Variants in ATP8B2 observed in about 807,000 individuals in gnomAD.
ATP8B2 encodes the protein phospholipid-transporting ATPase ID.
Under a neutral mutation model 133.4 loss-of-function variants are expected in ATP8B2, and 70 were observed. That is an observed-to-expected ratio of 0.52 (90% CI 0.43 to 0.64). ATP8B2 has a LOEUF of 0.64. Ranked by LOEUF, ATP8B2 falls within the 30% of genes least tolerant of loss-of-function variation. The pLI, the probability that ATP8B2 is intolerant of heterozygous loss-of-function variation, is 0.00. For synonymous variants in ATP8B2, 517 were observed against 589.5 expected, an observed-to-expected ratio of 0.88 and a Z score of 1.78; for missense variants, 1,101 against 1,535.7, an observed-to-expected ratio of 0.72 and a Z score of 4.73.
chr1:154,334,613 TCCCTGC>T lies in ATP8B2; in HGVS notation c.837+31_837+36del. ...CTGGGTGAGGCGCCCCACATCTGGCTCCCTGCCCCTGCCCTCTCTTCTCCTTGGGTG... is the reference window on the plus strand; with the variant it reads ...CTGGGTGAGGCGCCCCACATCTGGCTCCCTGCCCTCTCTTCTCCTTGGGTG... On this transcript the variant is annotated intron_variant, in intron 11 of 27. Transcript: ENST00000368489. This position sits in a 1 kb window ranked among gnomAD's most constrained non-coding sequence, Gnocchi z 4.6. 1.3e-6 allele frequency: 2 copies of T among 1,597,962 alleles called. No individual in the cohort carries two copies. Among genetic ancestry groups the T allele is most frequent in the Non-Finnish European group, 1.7e-6 (2 of 1,165,680 alleles).
At chr1:154,327,090 G>C (rs564296544) in intron 1 of ATP8B2, among the ~76,000 whole-genome samples, 3 of 152,238 alleles carry the variant, frequency 2.0e-5, no homozygotes, top group Non-Finnish European at 4.4e-5. Flanking sequence ...TGACTGGGTT[G>C]TGGCCAGAAT....
chr1:154,350,106 T>G lies in ATP8B2; in HGVS notation c.*988T>G, dbSNP rs1686734329. ...TTTTTTTTTTGAGATGGAGTCTCAC[T>G]CTTGTCACCTAGGCAAGAGTGCAAT... On this transcript the variant is annotated 3_prime_UTR_variant, in exon 28 of 28. Transcript: ENST00000368489. 6.6e-6 allele frequency: 1 copy of G among 151,684 alleles called. No homozygotes were observed. Among genetic ancestry groups the G allele is most frequent in the Non-Finnish European group, 1.5e-5 (1 of 67,988 alleles). The allele number at this position is 151,684 out of a possible 1,614,324, so 9.4% of individuals were successfully genotyped here. A position where few individuals can be genotyped will look rare whatever the true frequency, so the allele number is the denominator to read the frequency against.
At chr1:154,329,243 T>G (rs1447679277) in intron 2 of ATP8B2, among the ~76,000 whole-genome samples, 1 of 152,120 alleles carries the variant, frequency 6.6e-6, no homozygotes, top group Non-Finnish European at 1.5e-5. Flanking sequence ...TGCATGGTCT[T>G]TGGTGATTGC....
At position 154,331,298 on chromosome 1, in the gene ATP8B2, G is replaced by T; in HGVS notation, c.304-146G>T. The stretch of plus-strand genomic sequence containing the variant: ...GCTAGATCCATGATGTCTTTTTGCT[G>T]AGCGTGGGGAGAGGGAATCAGGGAG... On this transcript the variant is annotated intron_variant, in intron 5 of 27. Transcript: ENST00000368489. The surrounding 1 kb of genome is among the most constrained non-coding windows in gnomAD (Gnocchi z 4.8). The T allele has an allele frequency of 8.9e-7, 1 of 1,127,420 alleles. No homozygotes were observed. The highest frequency in any genetic ancestry group is 1.3e-6 in the Non-Finnish European group (1 of 769,834). 69.8% of individuals were successfully genotyped at this position (1,127,420 alleles called of 1,614,324 possible). A position where few individuals can be genotyped will look rare whatever the true frequency, so the allele number is the denominator to read the frequency against.
At chr1:154,335,136 G>A (rs1686133751) in intron 11 of ATP8B2, among the ~76,000 whole-genome samples, 1 of 152,186 alleles carries the variant, frequency 6.6e-6, no homozygotes, top group Non-Finnish European at 1.5e-5. Flanking sequence ...ATGCCAGCTT[G>A]TGAAGGCTGG....
intron 8 of ATP8B2, 82 bp from the exon 9 acceptor site, chr1:154,332,536 C>A: frequency 8.8e-7 from 1 of 1,133,530 alleles, no homozygotes; most frequent in Non-Finnish European, 1.3e-6. Context: ...CCAGCCTGAG[C>A]AGCAGAGCGA....
chr1:154,342,652 C>T, intron 14 of ATP8B2, 129 bp downstream of exon 14: 1 of 1,434,726 alleles, frequency 7.0e-7, no homozygotes, highest in Non-Finnish European at 9.8e-7. Context: ...TGTTTTAAGG[C>T]AGAACTGGTG....
chr1:154,344,592 C>G lies in ATP8B2; in HGVS notation c.2142-49C>G. 6.2e-7 allele frequency: 1 copy of G among 1,608,124 alleles called. No individual in the cohort carries two copies. Among genetic ancestry groups the G allele is most frequent in the Non-Finnish European group, 8.5e-7 (1 of 1,175,074 alleles). On this transcript the variant is annotated intron_variant, in intron 20 of 27. Coordinates refer to ENST00000368489, the MANE Select transcript of ATP8B2 (RefSeq NM_001370597.1). The surrounding 1 kb of genome is among the most constrained non-coding windows in gnomAD (Gnocchi z 4.1). Reference sequence around the variant, plus strand: ...ACCATTTAGACTTGAATCCCTGCTCCCCACTGCCGTTCTGGAAGACCACAA... The same window carrying G: ...ACCATTTAGACTTGAATCCCTGCTCGCCACTGCCGTTCTGGAAGACCACAA...
chr1:154,334,449 G>T lies in ATP8B2; in HGVS notation c.749-54G>T, dbSNP rs1233895248. 13 of 1,584,924 alleles carry T rather than the reference G, an allele frequency of 8.2e-6. No homozygotes were observed. The Admixed American group carries it at 1.8e-4, about 22-fold the overall frequency. ...CTGCAGTCTGGGGATCAGGGCAGAA[G>T]CCCAGAGGCAGATGTGTTATTTGGC... On this transcript the variant is annotated intron_variant, in intron 10 of 27. Coordinates refer to ENST00000368489, the MANE Select transcript of ATP8B2 (RefSeq NM_001370597.1). This position sits in a 1 kb window ranked among gnomAD's most constrained non-coding sequence, Gnocchi z 4.6.
At chr1:154,330,304 A>G in intron 2 of ATP8B2, 92 bp from the exon 3 acceptor site, 2 of 1,137,912 alleles carry the variant, frequency 1.8e-6, no homozygotes, top group Admixed American at 2.0e-5. Flanking sequence ...CCTTAAAATG[A>G]TATTCTGTGG....
intron 11 of ATP8B2, among the ~76,000 whole-genome samples, chr1:154,335,162 A>C (rs1260967416): frequency 6.6e-6 from 1 of 152,056 alleles, no homozygotes; most frequent in Non-Finnish European, 1.5e-5. Context: ...GCCTCTGGTG[A>C]GCTTGTTTCC....
In ATP8B2 at chr1:154,328,881, C is replaced by A; in HGVS notation, c.31+709C>A. 1 of 1,256,700 alleles carries A rather than the reference C, an allele frequency of 8.0e-7. No homozygotes were observed. Among genetic ancestry groups the A allele is most frequent in the Non-Finnish European group, 1.0e-6 (1 of 968,610 alleles). The allele number at this position is 1,256,700 out of a possible 1,614,324, so 77.8% of individuals were successfully genotyped here. A position where few individuals can be genotyped will look rare whatever the true frequency, so the allele number is the denominator to read the frequency against. On this transcript the variant is annotated intron_variant, in intron 2 of 27. Coordinates refer to ENST00000368489, the MANE Select transcript of ATP8B2 (RefSeq NM_001370597.1). This position sits in a 1 kb window ranked among gnomAD's most constrained non-coding sequence, Gnocchi z 4.6. ...GCGCGCGCCCGACGGCTGGGGCTCC[C>A]CTCTGAGCGGCTGCGGCTCCTGCAC...
rs1686431764 is a variant in ATP8B2 at position 154,342,827 on chromosome 1, C to T, written c.1319C>T (p.Pro440Leu). ...RPEPVDFSFN[P>L]LADKKFLFWD... ...GAACCTGTTGACTTCTCCTTCAATC[C>T]TCTGGCTGACAAGAAGTTCTTATTT... Residue 440 changes from proline (P) to leucine (L), a missense_variant, in exon 15 of 28, where the codon CCT (proline) becomes CTT (leucine). Coordinates refer to ENST00000368489, the MANE Select transcript of ATP8B2 (RefSeq NM_001370597.1). The T allele has an allele frequency of 6.2e-7, 1 of 1,614,054 alleles. No homozygotes were observed. The highest frequency in any genetic ancestry group is 1.7e-5 in the Admixed American group (1 of 60,004).
At position 154,332,039 on chromosome 1, in the gene ATP8B2, C is replaced by T. The variant is rs1365980888; in HGVS notation, c.509+15C>T. 1.9e-6 allele frequency: 3 copies of T among 1,606,580 alleles called. No individual in the cohort carries two copies. Among genetic ancestry groups the T allele is most frequent in the East Asian group, 2.2e-5 (1 of 44,848 alleles). ...GAACTTGATGGGTAAGTGGCATGCT[C>T]AGTGTCAGCCCTCTCCTTCTGTCTC... On this transcript the variant is annotated intron_variant, in intron 8 of 27. Transcript: ENST00000368489.
intron 13 of ATP8B2, 67 bp downstream of exon 13, chr1:154,341,129 C>T: frequency 2.6e-6 from 4 of 1,537,000 alleles, no homozygotes; most frequent in Non-Finnish European, 3.6e-6. Context: ...ACTGGGGCCC[C>T]ACAGTTTCCT....
At chr1:154,325,846 C>T in intron 1 of ATP8B2, 144 bp downstream of exon 1, 1 of 153,600 alleles carries the variant, frequency 6.5e-6, no homozygotes, top group Non-Finnish European at 1.4e-5. Context: ...TTGGGAGCTG[C>T]GGCCAGACGG....
Position 154,331,207 on chromosome 1 carries a change from C to T in ATP8B2, c.303+61C>T. 2.0e-6 allele frequency: 3 copies of T among 1,465,938 alleles called. No homozygotes were observed. The highest frequency in any genetic ancestry group is 2.8e-6 in the Non-Finnish European group (3 of 1,058,360). 90.8% of individuals were successfully genotyped at this position (1,465,938 alleles called of 1,614,324 possible). On this transcript the variant is annotated intron_variant, in intron 5 of 27. Coordinates refer to ENST00000368489, the MANE Select transcript of ATP8B2 (RefSeq NM_001370597.1). The surrounding 1 kb of genome is among the most constrained non-coding windows in gnomAD (Gnocchi z 4.8). ...ACCCACCCCTACTCCCAGCCCCACC[C>T]CCATCTCATGGCCACCTTCATCCAG...
Position 154,334,286 on chromosome 1 carries a change from A to G in ATP8B2, c.748+21A>G, listed in dbSNP as rs769320146. On this transcript the variant is annotated intron_variant, in intron 10 of 27. Coordinates refer to ENST00000368489, the MANE Select transcript of ATP8B2 (RefSeq NM_001370597.1). The surrounding 1 kb of genome is among the most constrained non-coding windows in gnomAD (Gnocchi z 4.6). ...TGCAGGTGAGCCTCCTAGCATCCAAAGAAAGAAGGGTAAGAGTGACTCAGC... is the reference window on the plus strand; with the variant it reads ...TGCAGGTGAGCCTCCTAGCATCCAAGGAAAGAAGGGTAAGAGTGACTCAGC... 1 of 1,612,788 alleles carries G rather than the reference A, an allele frequency of 6.2e-7. No individual in the cohort carries two copies. Among genetic ancestry groups the G allele is most frequent in the Admixed American group, 1.7e-5 (1 of 59,984 alleles).
rs1210177596 is a variant in ATP8B2 at position 154,346,251 on chromosome 1, C to A, written c.2799C>A (p.Ser933Arg). ...CACAGGATGTCCCCGAGCAGCGGAG[C>A]ATGGAGTACCCTAAGCTGTATGAGC... is the stretch of plus-strand genomic sequence containing the variant. ...VFDQDVPEQR[S>R]MEYPKLYEPG... Residue 933 changes from serine to arginine, a missense_variant, in exon 25 of 28, where the codon AGC becomes AGA. Transcript: ENST00000368489. This position sits in a 1 kb window ranked among gnomAD's most constrained non-coding sequence, Gnocchi z 4.5. 6.2e-7 allele frequency: 1 copy of A among 1,614,048 alleles called. No individual in the cohort carries two copies. Among genetic ancestry groups the A allele is most frequent in the Admixed American group, 1.7e-5 (1 of 60,026 alleles).
Sources: gnomAD v4.1 joint callset for allele counts (sites outside exome capture counted in the v4.1 genomes callset) on GRCh38, gnomAD v4.1.1 for gene constraint, Gnocchi (gnomAD v3.1) non-coding constraint, MANE v1.5 for transcripts, NCBI Gene and HGNC (gene_info 2026-07-23, HGNC 2026-07-21) for gene names.